The following KLHDC4 variants were observed in gnomAD, a reference collection of about 807,000 sequenced individuals.
KLHDC4 encodes kelch domain containing 4.
A neutral mutation model predicts 62.4 loss-of-function variants in KLHDC4; 90 were observed. That is an observed-to-expected ratio of 1.44 (90% CI 1.22 to 1.72). The LOEUF is 1.72. Ranked by LOEUF, KLHDC4 falls within the 40% of genes most tolerant of loss-of-function variation. The pLI is 0.00. For synonymous variants in KLHDC4, 386 were observed against 284.4 expected (o/e 1.36, Z -3.59); for missense variants, 1,025 against 699.7 (o/e 1.47, Z -5.25).
At chr16:87,730,054 A>C (rs2040067925) in intron 6 of KLHDC4, among the ~76,000 whole-genome samples, 1 of 152,168 alleles carries the variant, frequency 6.6e-6, no homozygotes, top group Non-Finnish European at 1.5e-5. Context: ...CCTGGGTTCA[A>C]GCGATTCTCC....
chr16:87,750,944 A>G (rs1028341567), intron 4 of KLHDC4: 6 of 152,228 alleles, frequency 3.9e-5, no homozygotes, highest in African/African-American at 1.2e-4. Context: ...AAACTGACCA[A>G]TTTACACCTT....
intron 5 of KLHDC4, among the ~76,000 whole-genome samples, chr16:87,744,199 T>C (rs1002555237): frequency 2.6e-5 from 4 of 152,194 alleles, no homozygotes; most frequent in Admixed American, 2.6e-4. Flanking sequence ...GGGGATCACC[T>C]GAGGTCAGGA....
chr16:87,745,232 C>T (rs1302100854), intron 5 of KLHDC4, among the ~76,000 whole-genome samples: 1 of 152,204 alleles, frequency 6.6e-6, no homozygotes, highest in Non-Finnish European at 1.5e-5. Context: ...GCTCTCACAA[C>T]ACCCGCCCTG....
intron 5 of KLHDC4, chr16:87,739,841 G>A (rs1305005957): frequency 1.3e-5 from 2 of 152,300 alleles, no homozygotes; most frequent in African/African-American, 2.4e-5. Context: ...GGACGGTGGG[G>A]TGTCTGCTAA....
At chr16:87,722,810 G>A (rs1229475103) in intron 7 of KLHDC4, among the ~76,000 whole-genome samples, 3 of 152,374 alleles carry the variant, frequency 2.0e-5, no homozygotes, top group African/African-American at 7.2e-5. Flanking sequence ...GCCCCGGGGA[G>A]GCGCCAGGTC....
intron 5 of KLHDC4, among the ~76,000 whole-genome samples, chr16:87,737,246 A>C (rs2041485536): frequency 6.6e-6 from 1 of 151,964 alleles, no homozygotes; most frequent in African/African-American, 2.4e-5. Context: ...AAATGACATC[A>C]CATGAAGTTA....
chr16:87,751,372 G>T (rs952317914), intron 4 of KLHDC4, among the ~76,000 whole-genome samples: 1 of 152,072 alleles, frequency 6.6e-6, no homozygotes, highest in Non-Finnish European at 1.5e-5. Context: ...TACTTGGGAG[G>T]CTGAGGCAGG....
intron 6 of KLHDC4, among the ~76,000 whole-genome samples, chr16:87,728,841 T>C (rs968808292): frequency 9.9e-5 from 15 of 152,116 alleles, no homozygotes; most frequent in Non-Finnish European, 8.8e-5. Context: ...TAGCTGGGCA[T>C]GCGGCTCACT....
Position 87,762,009 on chromosome 16 carries a change from T to C in KLHDC4, c.131A>G (p.Gln44Arg). The change falls in exon 2 of 12, where the codon CAG becomes CGG. Residue 44 changes from glutamine to arginine, a missense_variant. Physicochemically the swap from Gln to Arg is conservative, Grantham distance 43. Coordinates refer to ENST00000270583, the MANE Select transcript of KLHDC4 (RefSeq NM_017566.4). ...EDLEALIAHF[Q>R]TLDAKRTQTV... ...CTGAGTCCTCTTGGCATCGAGTGTC[T>C]GGAAATGGGCTATGAGCGCTTCCAG... 1.2e-6 allele frequency: 2 copies of C among 1,613,980 alleles called. No individual in the cohort carries two copies. The highest frequency in any genetic ancestry group is 1.7e-6 in the Non-Finnish European group (2 of 1,179,970).
chr16:87,736,554 G>A (rs2041350642), intron 5 of KLHDC4, among the ~76,000 whole-genome samples: 1 of 152,112 alleles, frequency 6.6e-6, no homozygotes, highest in Non-Finnish European at 1.5e-5. Flanking sequence ...TCAAACACAT[G>A]CCTTGGAAAC....
At chr16:87,723,023 C>T (rs949605553) in intron 7 of KLHDC4, among the ~76,000 whole-genome samples, 7 of 152,226 alleles carry the variant, frequency 4.6e-5, no homozygotes, top group East Asian at 1.9e-4. Flanking sequence ...CAGCACAGCA[C>T]AGCTGGGTCA....
rs377125706 is a variant in KLHDC4, at chr16:87,726,894, G to C, written c.630C>G (p.Ala210=). Residue 210 remains alanine (A), a synonymous_variant, in exon 7 of 12, where the codon GCC becomes GCG. Coordinates refer to ENST00000270583, the MANE Select transcript of KLHDC4 (RefSeq NM_017566.4). ...RDYIYYNDVY[A]FNLDTFTWSK... ...TCCATGTGAAGGTGTCCAGATTAAA[G>C]GCATACACGTCGTTGTAGTAGATGT... 2 of 1,613,980 alleles carry C rather than the reference G, an allele frequency of 1.2e-6. No individual in the cohort carries two copies. Among genetic ancestry groups the C allele is most frequent in the Middle Eastern group, 1.6e-4 (1 of 6,062 alleles).
chr16:87,739,264 T>C (rs111174279), intron 5 of KLHDC4, among the ~76,000 whole-genome samples: 803 of 36,722 alleles, frequency 0.022, no homozygotes, highest in Admixed American at 0.05. Context: ...CACACCAGCA[T>C]CTCATCCATC....
intron 7 of KLHDC4, among the ~76,000 whole-genome samples, chr16:87,715,274 C>T (rs186355667): frequency 6.6e-6 from 1 of 152,344 alleles, no homozygotes; most frequent in East Asian, 1.9e-4. Flanking sequence ...ATTTTTAATA[C>T]ACTATTTTAG....
At chr16:87,725,088 C>A (rs2039105625) in intron 7 of KLHDC4, among the ~76,000 whole-genome samples, 1 of 85,986 alleles carries the variant, frequency 1.2e-5, no homozygotes, top group South Asian at 4.6e-4. Context: ...TGGCCCCACA[C>A]ATCTGGGTGA....
At chr16:87,760,797 C>T (rs1399916088) in intron 2 of KLHDC4, among the ~76,000 whole-genome samples, 4 of 152,084 alleles carry the variant, frequency 2.6e-5, no homozygotes, top group Non-Finnish European at 5.9e-5. Context: ...CTTTGGGAGG[C>T]CAAGGCAGGT....
At chr16:87,754,745 G>A (rs571533828) in intron 4 of KLHDC4, among the ~76,000 whole-genome samples, 2 of 152,174 alleles carry the variant, frequency 1.3e-5, no homozygotes, top group African/African-American at 4.8e-5. Flanking sequence ...CTGCTCTCCT[G>A]GGTAGGAAAC....
At chr16:87,758,094 G>C (rs191857005) in intron 2 of KLHDC4, among the ~76,000 whole-genome samples, 32 of 152,246 alleles carry the variant, frequency 2.1e-4, no homozygotes, top group African/African-American at 7.7e-4. Flanking sequence ...AGTGAGTTTG[G>C]GAAATCTGAG....
At chr16:87,740,809 T>G (rs949713448) in intron 5 of KLHDC4, 4 of 152,156 alleles carry the variant, frequency 2.6e-5, no homozygotes, top group African/African-American at 9.6e-5. Flanking sequence ...TGCATCTAAC[T>G]CCCTTCAAAC....
Sources: allele counts gnomAD v4.1 joint callset (sites outside exome capture counted in the v4.1 genomes callset), GRCh38; gene constraint gnomAD v4.1.1; transcripts MANE v1.5; gene names NCBI Gene and HGNC (gene_info 2026-07-23, HGNC 2026-07-21).